Variants in IGFBP7 observed in about 807,000 individuals in gnomAD.
IGFBP7 encodes insulin-like growth factor-binding protein 7.
A neutral mutation model predicts 29.4 loss-of-function variants in IGFBP7; 31 were observed. The ratio of observed to expected loss-of-function variants is 1.05; its 90% CI spans 0.79 to 1.42. The LOEUF is 1.42. IGFBP7 is among the 40% of genes most tolerant of loss of function. IGFBP7 has a pLI of 0.00. For synonymous variants in IGFBP7, 172 were observed against 174.9 expected (o/e 0.98, Z 0.13); for missense variants, 393 against 395.5 (o/e 0.99, Z 0.05).
chr4:57,045,538 T>G (rs1296845972), intron 1 of IGFBP7, among the ~76,000 whole-genome samples: 8 of 152,160 alleles, frequency 5.3e-5, no homozygotes, highest in Non-Finnish European at 1.2e-4. Context: ...ACAGACCTCT[T>G]AGAGTACATG....
chr4:57,107,711 T>G (rs1726066834), intron 1 of IGFBP7, among the ~76,000 whole-genome samples: 1 of 152,182 alleles, frequency 6.6e-6, no homozygotes. Context: ...CAGTTTTAGA[T>G]GCTGTTTTCT....
intron 1 of IGFBP7, among the ~76,000 whole-genome samples, chr4:57,058,427 G>A (rs1724723382): frequency 6.6e-6 from 1 of 152,082 alleles, no homozygotes; most frequent in African/African-American, 2.4e-5. Context: ...GGAATAGAGA[G>A]CCCAGAAATA....
In IGFBP7 at chr4:57,110,243, G is replaced by A; in HGVS notation, c.109C>T (p.Pro37Ser). The A allele has an allele frequency of 7.2e-7, 1 of 1,391,246 alleles. No homozygotes were observed. Among genetic ancestry groups the A allele is most frequent in the Non-Finnish European group, 9.3e-7 (1 of 1,075,076 alleles). The allele number at this position is 1,391,246 out of a possible 1,614,324, so 86.2% of individuals were successfully genotyped here. The part of the protein sequence containing the change: ...SSSDTCGPCE[P>S]ASCPPLPPLG... ...GGGGGCAGGGGCGGGCAGGAGGCCG[G>A]CTCGCAGGGGCCGCAGGTGTCCGAA... is the stretch of plus-strand genomic sequence containing the variant. Residue 37 changes from proline to serine, a missense_variant, in exon 1 of 5, where the codon CCG becomes TCG. Pro to Ser is a moderately conservative substitution (Grantham distance 74). Transcript: ENST00000295666.
intron 1 of IGFBP7, among the ~76,000 whole-genome samples, chr4:57,079,074 C>T (rs1334891579): frequency 6.6e-6 from 1 of 152,184 alleles, no homozygotes; most frequent in Non-Finnish European, 1.5e-5. Flanking sequence ...GAAAAATGAC[C>T]TTGCTGTCTA....
chr4:57,050,045 T>C (rs1724464631), intron 1 of IGFBP7, among the ~76,000 whole-genome samples: 1 of 152,120 alleles, frequency 6.6e-6, no homozygotes, highest in Non-Finnish European at 1.5e-5. Flanking sequence ...GTTTCTTGGC[T>C]ACTAACCACT....
At chr4:57,042,064 A>C (rs1456182789) in intron 1 of IGFBP7, among the ~76,000 whole-genome samples, 1 of 152,194 alleles carries the variant, frequency 6.6e-6, no homozygotes, top group Non-Finnish European at 1.5e-5. Flanking sequence ...CCACGGCCTA[A>C]ATAGAGTCAG....
chr4:57,097,757 A>G (rs1039478022), intron 1 of IGFBP7, among the ~76,000 whole-genome samples: 2 of 152,206 alleles, frequency 1.3e-5, no homozygotes, highest in Non-Finnish European at 1.5e-5. Flanking sequence ...CAAATAGTTA[A>G]GTGGCAGAGT....
Position 57,091,444 on chromosome 4 carries a change from T to C in IGFBP7, c.475+18433A>G, listed in dbSNP as rs141491250. On this transcript the variant is annotated intron_variant, in intron 1 of 4. Coordinates refer to ENST00000295666, the MANE Select transcript of IGFBP7 (RefSeq NM_001553.3). ...ACCTGGATTCCTCATTCCAGCTTCA[T>C]TCAATTCCCATTAGCAGTGGCTCTG... Among the ~76,000 whole-genome samples the C allele has an allele frequency of 2.0e-3, 305 of 152,350 alleles. 1 individual carries two copies. Among genetic ancestry groups the C allele is most frequent in the African/African-American group, 7.0e-3 (291 of 41,580 alleles).
At chr4:57,077,323 G>A (rs2109782752) in intron 1 of IGFBP7, among the ~76,000 whole-genome samples, 2 of 152,266 alleles carry the variant, frequency 1.3e-5, no homozygotes, top group South Asian at 4.2e-4. Flanking sequence ...TGTCGCCCAG[G>A]CTGGGATGTA....
At chr4:57,059,599 T>C (rs1400895007) in intron 1 of IGFBP7, among the ~76,000 whole-genome samples, 1 of 151,706 alleles carries the variant, frequency 6.6e-6, no homozygotes. Flanking sequence ...TACTTGAGGG[T>C]GGAGGGTGGG....
intron 1 of IGFBP7, among the ~76,000 whole-genome samples, chr4:57,100,915 T>C (rs1725883033): frequency 6.6e-6 from 1 of 152,220 alleles, no homozygotes; most frequent in Non-Finnish European, 1.5e-5. Context: ...TTATTTGGAA[T>C]TTGGGATAAC....
rs990864473 is a variant in IGFBP7 at position 57,094,156 on chromosome 4, G to A, written c.475+15721C>T. Reference sequence around the variant, plus strand: ...GAGCAGGGGCAGTCTTTCTCCTGGGGCAAATTTCCATCTGGCACCCAGCAC... The same window carrying A: ...GAGCAGGGGCAGTCTTTCTCCTGGGACAAATTTCCATCTGGCACCCAGCAC... On this transcript the variant is annotated intron_variant, in intron 1 of 4. Coordinates refer to ENST00000295666, the MANE Select transcript of IGFBP7 (RefSeq NM_001553.3). Among the ~76,000 whole-genome samples the A allele has an allele frequency of 2.6e-5, 4 of 152,144 alleles. No individual in the cohort carries two copies. The East Asian group carries it at 5.8e-4, about 22-fold the overall frequency.
Position 57,032,567 on chromosome 4 carries a change from AG to A in IGFBP7, c.703-16del. On this transcript the variant is annotated splice_polypyrimidine_tract_variant and intron_variant, in intron 3 of 4. Coordinates refer to ENST00000295666, the MANE Select transcript of IGFBP7 (RefSeq NM_001553.3). ...AGAGGAGATACCTGTGAAAGAAAAA[AG>A]ATCTAGTATTCCTCTGTGGTGGTCT... 6.3e-7 allele frequency: 1 copy of A among 1,590,784 alleles called. No homozygotes were observed.
At chr4:57,104,353 C>T (rs1725970348) in intron 1 of IGFBP7, among the ~76,000 whole-genome samples, 1 of 152,126 alleles carries the variant, frequency 6.6e-6, no homozygotes, top group African/African-American at 2.4e-5. Context: ...CTTGGCTTTT[C>T]CTCCACAAAC....
chr4:57,068,134 C>T (rs949634223), intron 1 of IGFBP7, among the ~76,000 whole-genome samples: 1 of 151,918 alleles, frequency 6.6e-6, no homozygotes, highest in Admixed American at 6.6e-5. Context: ...CAAGACCAGC[C>T]TGGGCAACAG....
chr4:57,072,296 G>T (rs1398465659), intron 1 of IGFBP7, among the ~76,000 whole-genome samples: 1 of 152,102 alleles, frequency 6.6e-6, no homozygotes, highest in Non-Finnish European at 1.5e-5. Flanking sequence ...ATGGCCTCCA[G>T]CTCCATTCAT....
Position 57,059,358 on chromosome 4 carries a change from A to G in IGFBP7, c.476-18425T>C, listed in dbSNP as rs371630474. ...ATGGGATCAACGTAAATGCCCATCA[A>G]TGACAGATCGAATAAAGAAAATGTG... is the stretch of plus-strand genomic sequence containing the variant. On this transcript the variant is annotated intron_variant, in intron 1 of 4. Coordinates refer to ENST00000295666, the MANE Select transcript of IGFBP7 (RefSeq NM_001553.3). Among the ~76,000 whole-genome samples, 15 of 152,330 alleles carry G rather than the reference A, an allele frequency of 9.8e-5. No individual in the cohort carries two copies. The East Asian group carries it at 1.7e-3, about 18-fold the overall frequency.
chr4:57,065,468 C>T (rs1261752509), intron 1 of IGFBP7: 1 of 152,194 alleles, frequency 6.6e-6, no homozygotes, highest in Non-Finnish European at 1.5e-5. Context: ...AACTTCATGA[C>T]AAGAAGAGAA....
intron 1 of IGFBP7, chr4:57,072,778 G>C (rs1200384215): frequency 1.9e-6 from 1 of 533,102 alleles, no homozygotes; most frequent in Non-Finnish European, 3.7e-6. Flanking sequence ...TTTTCAAATG[G>C]GTGGGGACCA....
Sources: allele counts gnomAD v4.1 joint callset (sites outside exome capture counted in the v4.1 genomes callset), GRCh38; gene constraint gnomAD v4.1.1; transcripts MANE v1.5; gene names NCBI Gene and HGNC (gene_info 2026-07-23, HGNC 2026-07-21).